Variants in LDLRAD4 observed in about 807,000 individuals in gnomAD.
LDLRAD4 encodes the protein low-density lipoprotein receptor class A domain-containing protein 4.
LDLRAD4 carries 5 observed loss-of-function variants against 17.0 expected under a neutral mutation model. That is an observed-to-expected ratio of 0.29 (90% CI 0.15 to 0.62). The LOEUF (loss-of-function observed/expected upper bound fraction) is 0.62, where lower values mean the gene tolerates loss of function less well. Among genes scored for constraint, LDLRAD4 ranks in the 20% least tolerant of loss-of-function variants. The pLI, the probability that LDLRAD4 is intolerant of heterozygous loss-of-function variation, is 0.84. For synonymous variants in LDLRAD4, 168 were observed against 171.8 expected (o/e 0.98, Z 0.17); for missense variants, 340 against 424.7 (o/e 0.80, Z 1.75).
intron 2 of LDLRAD4, among the ~76,000 whole-genome samples, chr18:13,401,365 G>A (rs535034322): frequency 6.2e-4 from 58 of 93,018 alleles, no homozygotes; most frequent in African/African-American, 1.6e-3. Flanking sequence ...CTAAATCATC[G>A]CTTTGAAAAA....
At chr18:13,519,004 C>T (rs1402117276) in intron 3 of LDLRAD4, among the ~76,000 whole-genome samples, 1 of 152,112 alleles carries the variant, frequency 6.6e-6, no homozygotes, top group African/African-American at 2.4e-5. Context: ...GTTGTGGGAG[C>T]CCCGCAGTGG....
At chr18:13,384,424 T>A (rs1027581779) in intron 1 of LDLRAD4, among the ~76,000 whole-genome samples, 32 of 152,238 alleles carry the variant, frequency 2.1e-4, no homozygotes, top group African/African-American at 7.5e-4. Flanking sequence ...GTAAGAATGT[T>A]AAAAATCTAT....
intron 3 of LDLRAD4, among the ~76,000 whole-genome samples, chr18:13,498,378 G>A (rs1280328627): frequency 1.5e-5 from 2 of 137,180 alleles, no homozygotes; most frequent in Non-Finnish European, 3.0e-5. Context: ...GTGGACACTG[G>A]AGAATCCTCC....
intron 1 of LDLRAD4, among the ~76,000 whole-genome samples, chr18:13,293,716 C>T (rs1055937214): frequency 1.3e-5 from 2 of 152,244 alleles, no homozygotes. Context: ...ATGTCCCTTT[C>T]CCTCTCCGTG....
At chr18:13,361,672 C>T (rs545177039) in intron 1 of LDLRAD4, among the ~76,000 whole-genome samples, 41 of 152,272 alleles carry the variant, frequency 2.7e-4, no homozygotes, top group African/African-American at 9.4e-4. Flanking sequence ...CACACCCATG[C>T]AGGTGTTAGG....
At chr18:13,595,721 T>C (rs2095087431) in intron 3 of LDLRAD4, among the ~76,000 whole-genome samples, 1 of 152,234 alleles carries the variant, frequency 6.6e-6, no homozygotes, top group East Asian at 1.9e-4. Flanking sequence ...TTCCCCATTT[T>C]CTTTCTGTTA....
chr18:13,499,189 C>T (rs1336703969), intron 3 of LDLRAD4, among the ~76,000 whole-genome samples: 1 of 145,500 alleles, frequency 6.9e-6, no homozygotes, highest in Non-Finnish European at 1.5e-5. Context: ...AATCCTTCTA[C>T]TCACACACAT....
intron 1 of LDLRAD4, among the ~76,000 whole-genome samples, chr18:13,374,857 A>G (rs1340722158): frequency 1.3e-5 from 2 of 152,186 alleles, no homozygotes; most frequent in Non-Finnish European, 2.9e-5. Flanking sequence ...TCTATCCCCA[A>G]GTGGACATCT....
Position 13,468,001 on chromosome 18 carries a change from G to A in LDLRAD4, c.181+29617G>A, listed in dbSNP as rs143218506. On this transcript the variant is annotated intron_variant, in intron 3 of 5. Coordinates refer to ENST00000359446, the Ensembl canonical transcript of LDLRAD4. ...AAAAATTAGCTTGAAATGTATCAAC[G>A]ACTTACATTTAAGAGCCAAGAGCAT... 4.2e-3 allele frequency among the ~76,000 whole-genome samples: 634 copies of A among 152,160 alleles called. 5 individuals carry two copies. Among genetic ancestry groups the A allele is most frequent in the Middle Eastern group, 0.031 (9 of 294 alleles).
At chr18:13,289,162 T>G (rs1261133523) in intron 1 of LDLRAD4, among the ~76,000 whole-genome samples, 1 of 152,252 alleles carries the variant, frequency 6.6e-6, no homozygotes, top group African/African-American at 2.4e-5. Flanking sequence ...TGGAGCTGTT[T>G]AGCAGTTGTT....
chr18:13,277,908 G>C (rs953311887), upstream of LDLRAD4, among the ~76,000 whole-genome samples: 1 of 152,142 alleles, frequency 6.6e-6, no homozygotes, highest in African/African-American at 2.4e-5. Context: ...GTCCCAGTTT[G>C]GTAATTCTGT....
intron 1 of LDLRAD4, among the ~76,000 whole-genome samples, chr18:13,333,118 G>A (rs888096279): frequency 3.3e-5 from 5 of 152,148 alleles, no homozygotes; most frequent in Non-Finnish European, 7.3e-5. Context: ...TCTAATAGGT[G>A]CGTAGTGGTA....
chr18:13,599,649 C>A (rs1265411752), intron 3 of LDLRAD4, among the ~76,000 whole-genome samples: 1 of 151,982 alleles, frequency 6.6e-6, no homozygotes, highest in East Asian at 1.9e-4. Flanking sequence ...CGCCACCACA[C>A]CCGGCTAATT....
intron 3 of LDLRAD4, among the ~76,000 whole-genome samples, chr18:13,445,406 G>T (rs1014547069): frequency 1.3e-5 from 2 of 152,022 alleles, no homozygotes; most frequent in African/African-American, 4.8e-5. Flanking sequence ...GACTCCATGT[G>T]GTGTGTGCAT....
At chr18:13,236,674 C>T (rs74450511) in intron 1 of LDLRAD4, among the ~76,000 whole-genome samples, 3,909 of 152,220 alleles carry the variant, frequency 0.026, 83 homozygotes, top group Non-Finnish European at 0.04. Context: ...GCTGGCGTTG[C>T]CTGTGTGGGG....
chr18:13,369,014 C>CT (rs1015641869), intron 1 of LDLRAD4, among the ~76,000 whole-genome samples: 2 of 152,150 alleles, frequency 1.3e-5, no homozygotes, highest in Non-Finnish European at 2.9e-5. Context: ...AAGCCATGAT[C>CT]TTTTTTGCCA....
intron 3 of LDLRAD4, among the ~76,000 whole-genome samples, chr18:13,518,160 G>A (rs1034926324): frequency 2.0e-5 from 3 of 152,124 alleles, no homozygotes; most frequent in South Asian, 2.1e-4. Context: ...CATTGCCTCC[G>A]TCTTGGTCTC....
Position 13,456,416 on chromosome 18 carries a change from G to A in LDLRAD4, c.181+18032G>A, listed in dbSNP as rs143437046. Among the ~76,000 whole-genome samples, 145 of 152,314 alleles carry A rather than the reference G, an allele frequency of 9.5e-4. 2 individuals carry two copies. Among genetic ancestry groups the A allele is most frequent in the East Asian group, 8.5e-3 (44 of 5,172 alleles). On this transcript the variant is annotated intron_variant, in intron 3 of 5. Coordinates refer to ENST00000359446, the Ensembl canonical transcript of LDLRAD4. ...TCCCTGGGCAGCTCTGGTGAAGGGC[G>A]TGCGTCACGCTATCCAGGCCCTCTC...
intron 1 of LDLRAD4, among the ~76,000 whole-genome samples, chr18:13,350,283 C>T (rs2144366971): frequency 6.6e-6 from 1 of 152,270 alleles, no homozygotes; most frequent in Admixed American, 6.5e-5. Flanking sequence ...CACAGCTCAC[C>T]AGTATCTTAT....
Sources: allele counts gnomAD v4.1 joint callset (sites outside exome capture counted in the v4.1 genomes callset), GRCh38; gene constraint gnomAD v4.1.1; transcripts MANE v1.5; gene names NCBI Gene and HGNC (gene_info 2026-07-23, HGNC 2026-07-21).